Variants in IL1RAPL1 observed in about 807,000 individuals in gnomAD.
IL1RAPL1 encodes interleukin 1 receptor accessory protein like 1.
IL1RAPL1 carries 3 observed loss-of-function variants against 48.4 expected under a neutral mutation model. The ratio of observed to expected loss-of-function variants is 0.06; its 90% CI spans 0.03 to 0.16. The LOEUF is 0.16. Among genes scored for constraint, IL1RAPL1 ranks in the 10% least tolerant of loss-of-function variants. The pLI, the probability that IL1RAPL1 is intolerant of heterozygous loss-of-function variation, is 1.00. For missense variants in IL1RAPL1, 349 were observed against 530.6 expected (o/e 0.66, Z 3.36); for synonymous variants, 185 against 187.7 (o/e 0.99, Z 0.12).
At chrX:28,639,617 C>T (rs946769828) in intron 1 of IL1RAPL1, among the ~76,000 whole-genome samples, 7 of 110,906 alleles carry the variant, frequency 6.3e-5, no homozygotes, top group East Asian at 2.8e-4. Context: ...GGGATTCCAG[C>T]GCAAGTAATT....
chrX:28,955,582 A>T (rs1299091924), intron 2 of IL1RAPL1, among the ~76,000 whole-genome samples: 1 of 108,147 alleles, frequency 9.2e-6, no homozygotes, highest in Non-Finnish European at 1.9e-5. Flanking sequence ...CAAAGATCAG[A>T]TAGTTGTAGA....
At chrX:29,399,601 A>G (rs1366633647) in intron 5 of IL1RAPL1, among the ~76,000 whole-genome samples, 3 of 111,376 alleles carry the variant, frequency 2.7e-5, no homozygotes, top group Admixed American at 9.6e-5. Context: ...TGGGCGAATC[A>G]CGAGGTCAGG....
intron 8 of IL1RAPL1, among the ~76,000 whole-genome samples, chrX:29,937,115 G>C (rs1224326995): frequency 1.8e-5 from 2 of 111,457 alleles, no homozygotes; most frequent in Non-Finnish European, 3.8e-5. Flanking sequence ...CCTAGGTTTT[G>C]CCTAGCAATT....
At chrX:29,557,928 C>T (rs925492650) in intron 5 of IL1RAPL1, among the ~76,000 whole-genome samples, 33 of 110,661 alleles carry the variant, frequency 3.0e-4, no homozygotes, top group African/African-American at 9.8e-4. Context: ...TTTCTTTACG[C>T]ATTTATCTGT....
intron 5 of IL1RAPL1, among the ~76,000 whole-genome samples, chrX:29,532,997 C>T (rs950529336): frequency 8.9e-6 from 1 of 111,893 alleles, no homozygotes; most frequent in East Asian, 2.8e-4. Flanking sequence ...TCTTAAACTC[C>T]TATGAACAGC....
At chrX:29,184,803 A>G (rs1930220095) in intron 2 of IL1RAPL1, among the ~76,000 whole-genome samples, 1 of 112,204 alleles carries the variant, frequency 8.9e-6, no homozygotes, top group Admixed American at 9.4e-5. Context: ...ACCCACCCAC[A>G]TTATGTATTC....
intron 2 of IL1RAPL1, among the ~76,000 whole-genome samples, chrX:28,966,457 T>C (rs1055016794): frequency 5.4e-5 from 6 of 111,742 alleles, no homozygotes; most frequent in Admixed American, 4.8e-4. Context: ...GACCAACTCA[T>C]GTGCATTCTA....
chrX:28,708,464 A>G (rs945946980), intron 1 of IL1RAPL1, among the ~76,000 whole-genome samples: 4 of 111,522 alleles, frequency 3.6e-5, no homozygotes, highest in Non-Finnish European at 7.5e-5. Context: ...CAGCTGCTTA[A>G]TATCCACCCA....
chrX:29,072,078 G>A (rs1275457088), intron 2 of IL1RAPL1, among the ~76,000 whole-genome samples: 1 of 110,689 alleles, frequency 9.0e-6, no homozygotes, highest in Non-Finnish European at 1.9e-5. Context: ...GCTCCCAGCT[G>A]ACTTATATTT....
chrX:29,813,157 T>C (rs1409476934), intron 6 of IL1RAPL1, among the ~76,000 whole-genome samples: 1 of 111,828 alleles, frequency 8.9e-6, no homozygotes, highest in Non-Finnish European at 1.9e-5. Context: ...GGAAAATATA[T>C]ATCCGGGAAA....
chrX:28,678,239 T>C (rs1173016815), intron 1 of IL1RAPL1, among the ~76,000 whole-genome samples: 1 of 111,371 alleles, frequency 9.0e-6, no homozygotes, highest in Non-Finnish European at 1.9e-5. Context: ...GGCTATCAAG[T>C]AATCGCCCGT....
intron 6 of IL1RAPL1, among the ~76,000 whole-genome samples, chrX:29,798,362 T>G (rs1419956869): frequency 2.7e-5 from 3 of 111,935 alleles, no homozygotes; most frequent in Non-Finnish European, 5.6e-5. Context: ...AATTTGGAAT[T>G]CAAACATGGC....
At chrX:29,479,675 C>T (rs752538796) in intron 5 of IL1RAPL1, among the ~76,000 whole-genome samples, 179 of 109,532 alleles carry the variant, frequency 1.6e-3, no homozygotes, top group Non-Finnish European at 2.8e-3. Context: ...CGCCTCCCAA[C>T]GTTCCCCCCC....
intron 2 of IL1RAPL1, among the ~76,000 whole-genome samples, chrX:28,807,180 A>G (rs6630769): frequency 9.1e-6 from 1 of 110,131 alleles, no homozygotes; most frequent in African/African-American, 3.3e-5. Context: ...AAAATTACTT[A>G]TCTCTAATGG....
chrX:29,691,772 A>C (rs6628470), intron 6 of IL1RAPL1, among the ~76,000 whole-genome samples: 11 of 90,134 alleles, frequency 1.2e-4, no homozygotes, highest in Non-Finnish European at 2.1e-4. Flanking sequence ...AAAAAAAAAA[A>C]CTCACTATAC....
intron 8 of IL1RAPL1, 72 bp downstream of exon 8, chrX:29,920,166 A>G: frequency 8.8e-7 from 1 of 1,140,534 alleles, no homozygotes; most frequent in South Asian, 1.8e-5. Flanking sequence ...GGGAACCAAG[A>G]AACAAATTTA....
chrX:29,439,186 A>G (rs1383530639), intron 5 of IL1RAPL1, among the ~76,000 whole-genome samples: 1 of 111,074 alleles, frequency 9.0e-6, no homozygotes, highest in African/African-American at 3.3e-5. Flanking sequence ...GTTTTAATTG[A>G]TCTTGTCTGT....
At chrX:29,670,174 A>C (rs1926104780) in intron 6 of IL1RAPL1, among the ~76,000 whole-genome samples, 1 of 111,456 alleles carries the variant, frequency 9.0e-6, no homozygotes, top group Non-Finnish European at 1.9e-5. Context: ...ATTGTTCTCT[A>C]CCTCTTACTA....
rs186100408 is a variant in IL1RAPL1, at chrX:28,825,614, G to A, written c.82+36189G>A. On this transcript the variant is annotated intron_variant, in intron 2 of 10. Transcript: ENST00000378993. ...ACACTCAAGAGGATAAATTATTATT[G>A]TGGTTCCATTTCATTGGAAAGCATA... Among the ~76,000 whole-genome samples, 270 of 110,833 alleles carry A rather than the reference G, an allele frequency of 2.4e-3. 1 individual carries two copies. Among genetic ancestry groups the A allele is most frequent in the African/African-American group, 8.4e-3 (256 of 30,599 alleles).
Sources: gnomAD v4.1 joint callset for allele counts (sites outside exome capture counted in the v4.1 genomes callset) on GRCh38, gnomAD v4.1.1 for gene constraint, MANE v1.5 for transcripts, NCBI Gene and HGNC (gene_info 2026-07-23, HGNC 2026-07-21) for gene names.